Variants in WARS1 observed in about 807,000 individuals in gnomAD.
WARS1 encodes tryptophan--tRNA ligase, cytoplasmic.
Under a neutral mutation model 47.8 loss-of-function variants are expected in WARS1, and 17 were observed. That is an observed-to-expected ratio of 0.36 (90% CI 0.24 to 0.53). The LOEUF (loss-of-function observed/expected upper bound fraction) is 0.53. Ranked by LOEUF, WARS1 falls within the 20% of genes least tolerant of loss-of-function variation. The pLI is 0.91. For missense variants in WARS1, 434 were observed against 608.0 expected (o/e 0.71, Z 3.01); for synonymous variants, 208 against 228.1 (o/e 0.91, Z 0.79).
In WARS1 at chr14:100,350,399, G is replaced by GAAAAAAAAAA. The variant is rs56393656; in HGVS notation, c.725+3278_725+3287dup. ...AGAGCAAGACTCCATCTCAAAAAAAGAAAAAAAAAAAAAAAAAGGAAGTTC... is the reference window on the plus strand; with the variant it reads ...AGAGCAAGACTCCATCTCAAAAAAAGAAAAAAAAAAAAAAAAAAAAAAAAAAAGGAAGTTC... On this transcript the variant is annotated intron_variant, in intron 6 of 10. Transcript: ENST00000392882. 5.4e-5 allele frequency among the ~76,000 whole-genome samples: 6 copies of GAAAAAAAAAA among 112,148 alleles called. 1 individual carries two copies. The highest frequency in any genetic ancestry group is 7.0e-5 in the African/African-American group (2 of 28,634). 73.6% of individuals were successfully genotyped at this position (112,148 alleles called of 152,430 possible). A position where few individuals can be genotyped will look rare whatever the true frequency, so the allele number is the denominator to read the frequency against.
chr14:100,355,438 G>T (rs1020817801), intron 4 of WARS1, among the ~76,000 whole-genome samples: 12 of 151,956 alleles, frequency 7.9e-5, no homozygotes, highest in Admixed American at 3.3e-4. Flanking sequence ...GGCCAGGCTG[G>T]TCTCAAACTC....
chr14:100,346,663 A>T, intron 7 of WARS1, 83 bp downstream of exon 7: 1 of 1,149,360 alleles, frequency 8.7e-7, no homozygotes, highest in Non-Finnish European at 1.3e-6. Context: ...AGAGATATTT[A>T]AACCAGGCAT....
At position 100,334,948 on chromosome 14, in the gene WARS1, C is replaced by A; in HGVS notation, c.1343G>T (p.Arg448Leu). The change falls in exon 11 of 11, where the codon CGG becomes CTG. Residue 448 changes from arginine to leucine, a missense_variant. Arg to Leu is a moderately radical substitution (Grantham distance 102). Coordinates refer to ENST00000392882, the MANE Select transcript of WARS1 (RefSeq NM_004184.4). ...LQPLIAEHQA[R>L]RKEVTDEIVK... Reference sequence around the variant, plus strand: ...TATCTCATCCGTGACCTCCTTGCGCCGGGCCTGGTGCTCTGCGATCAAGGG... The same window carrying A: ...TATCTCATCCGTGACCTCCTTGCGCAGGGCCTGGTGCTCTGCGATCAAGGG... The A allele has an allele frequency of 6.2e-7, 1 of 1,614,202 alleles. No homozygotes were observed. Among genetic ancestry groups the A allele is most frequent in the Non-Finnish European group, 8.5e-7 (1 of 1,180,042 alleles).
chr14:100,341,221 C>T (rs988536329), intron 9 of WARS1, among the ~76,000 whole-genome samples: 1 of 152,108 alleles, frequency 6.6e-6, no homozygotes, highest in African/African-American at 2.4e-5. Flanking sequence ...TGGCCATAAA[C>T]AACTTTTTCC....
intron 6 of WARS1, among the ~76,000 whole-genome samples, chr14:100,352,140 C>CTCACTCTGT (rs1895034233): frequency 9.8e-6 from 1 of 102,348 alleles, no homozygotes; most frequent in Non-Finnish European, 1.8e-5. Context: ...GAGACAGAGT[C>CTCACTCTGT]TCACTCTGTT....
chr14:100,370,740 C>T (rs1041705210), intron 1 of WARS1, among the ~76,000 whole-genome samples: 3 of 151,276 alleles, frequency 2.0e-5, no homozygotes, highest in Non-Finnish European at 4.4e-5. Flanking sequence ...ATACCTGCAA[C>T]CCTGGCACTT....
In WARS1 at chr14:100,334,146, G is replaced by A. The variant is rs1893550668; in HGVS notation, c.*729C>T. 6.5e-6 allele frequency: 1 copy of A among 152,688 alleles called. No individual in the cohort carries two copies. Among genetic ancestry groups the A allele is most frequent in the African/African-American group, 2.4e-5 (1 of 41,448 alleles). The allele number at this position is 152,688 out of a possible 1,614,324, so 9.5% of individuals were successfully genotyped here. ...CTGACTCTGCAGGACAGAGGGTCTA[G>A]GGTCATTTGGCAGGAGAACACTGGT... On this transcript the variant is annotated 3_prime_UTR_variant, in exon 11 of 11. Transcript: ENST00000392882.
At chr14:100,335,061 G>A (rs1209826698) in intron 10 of WARS1, 25 bp from the exon 11 acceptor site, 1 of 1,608,884 alleles carries the variant, frequency 6.2e-7, no homozygotes, top group South Asian at 1.1e-5. Context: ...ACAGCCACGT[G>A]AGAGATGGCT....
At chr14:100,352,968 C>T (rs1895087872) in intron 6 of WARS1, 1 of 152,180 alleles carries the variant, frequency 6.6e-6, no homozygotes, top group Non-Finnish European at 1.5e-5. Context: ...AGTCTTTTCT[C>T]TGTGAGGAAA....
intron 2 of WARS1, among the ~76,000 whole-genome samples, chr14:100,363,834 C>G (rs951551634): frequency 1.3e-5 from 2 of 152,102 alleles, no homozygotes; most frequent in Admixed American, 6.5e-5. Flanking sequence ...ACTATATTAT[C>G]CAGGCTGGTC....
chr14:100,354,030 A>G (rs953679775), intron 5 of WARS1, 161 bp from the exon 6 acceptor site: 9 of 659,760 alleles, frequency 1.4e-5, no homozygotes, highest in African/African-American at 1.8e-5. Context: ...ATGGATAATG[A>G]TAAGGTCTAC....
intron 1 of WARS1, chr14:100,374,841 C>T (rs1035812047): frequency 6.6e-6 from 1 of 152,036 alleles, no homozygotes; most frequent in African/African-American, 2.4e-5. Context: ...TTCTTGACAC[C>T]TTTTGGGACC....
chr14:100,343,976 A>C (rs1261502131), intron 7 of WARS1, among the ~76,000 whole-genome samples: 1 of 152,196 alleles, frequency 6.6e-6, no homozygotes, highest in Non-Finnish European at 1.5e-5. Context: ...GTTGTTACTA[A>C]GTATATTCTA....
At position 100,373,777 on chromosome 14, in the gene WARS1, T is replaced by A. The variant is rs1164334743; in HGVS notation, c.-74+1506A>T. Among the ~76,000 whole-genome samples, 4 of 152,006 alleles carry A rather than the reference T, an allele frequency of 2.6e-5. No individual in the cohort carries two copies. In the East Asian group the frequency reaches 7.7e-4, roughly 29 times the overall value. On this transcript the variant is annotated intron_variant, in intron 1 of 10. Transcript: ENST00000392882. This position sits in a 1 kb window ranked among gnomAD's most constrained non-coding sequence, Gnocchi z 4.4. ...CTGAGGAAATAGCAGATGATCATGA[T>A]CACAAGGCATATACTTTGCGTGGGA...
Position 100,346,755 on chromosome 14 carries a change from C to A in WARS1, c.817G>T (p.Asp273Tyr). Residue 273 changes from aspartate (D) to tyrosine (Y), a missense_variant, in exon 7 of 11, where the codon GAC (aspartate) becomes TAC (tyrosine). By Grantham distance (160) the Asp-to-Tyr change is radical. Transcript: ENST00000392882. ...GCAGTGGGCCTCTTACCAATGCAGT[C>A]GCTGTCAGTGAAGCCGAAAATGCCT... ...VKGIFGFTDS[D>Y]CIGKISFPAI... 6.2e-7 allele frequency: 1 copy of A among 1,613,848 alleles called. No homozygotes were observed. The highest frequency in any genetic ancestry group is 1.1e-5 in the South Asian group (1 of 91,018).
Position 100,369,270 on chromosome 14 carries a change from G to A in WARS1, c.-73-12C>T, listed in dbSNP as rs1264337977. ...CAGACGAGTCAAGACTGGGGTGGGG[G>A]CGGGGAAGGAGAGAGAGGAAAAACC... On this transcript the variant is annotated splice_polypyrimidine_tract_variant and intron_variant, in intron 1 of 10. Coordinates refer to ENST00000392882, the MANE Select transcript of WARS1 (RefSeq NM_004184.4). 4.1e-6 allele frequency: 3 copies of A among 738,160 alleles called. No homozygotes were observed. The African/African-American group carries it at 5.6e-5, about 14-fold the overall frequency. 45.7% of individuals were successfully genotyped at this position (738,160 alleles called of 1,614,324 possible).
In WARS1 at chr14:100,337,136, A is replaced by T; in HGVS notation, c.1180T>A (p.Cys394Ser). Reference protein sequence around the residue: ...IEEHRQFGGNCDVDVSFMYLT... With the variant: ...IEEHRQFGGNSDVDVSFMYLT... The stretch of plus-strand genomic sequence containing the variant: ...TACATGAAAGACACGTCCACATCAC[A>T]GTTGCCCCCAAACTGCCTGTGCTCC... The change falls in exon 10 of 11, where the codon TGT (cysteine) becomes AGT (serine). Residue 394 changes from cysteine to serine, a missense_variant. This residue lies in a region of WARS1 where 347 missense variants were observed against 523.8 expected (regional missense o/e 0.66). Transcript: ENST00000392882. The T allele has an allele frequency of 6.2e-7, 1 of 1,614,220 alleles. No homozygotes were observed. The highest frequency in any genetic ancestry group is 2.2e-5 in the East Asian group (1 of 44,884).
In WARS1 at chr14:100,342,215, T is replaced by A. The variant is rs970356340; in HGVS notation, c.1113+183A>T. 4.0e-6 allele frequency: 3 copies of A among 744,496 alleles called. No individual in the cohort carries two copies. In the African/African-American group the frequency reaches 5.2e-5, roughly 13 times the overall value. The allele number at this position is 744,496 out of a possible 1,614,324, so 46.1% of individuals were successfully genotyped here. A position where few individuals can be genotyped will look rare whatever the true frequency, so the allele number is the denominator to read the frequency against. ...ACACAAAACAAATTCACCTGATTCA[T>A]GTGGGAAGGACAGGCTGCCTTGAGT... On this transcript the variant is annotated intron_variant, in intron 9 of 10. Transcript: ENST00000392882.
At chr14:100,368,164 A>G (rs1264891061) in intron 2 of WARS1, among the ~76,000 whole-genome samples, 2 of 152,218 alleles carry the variant, frequency 1.3e-5, no homozygotes. Context: ...TGTTGAAAGG[A>G]GATTCACTGG....
Sources: gnomAD v4.1 joint callset for allele counts (sites outside exome capture counted in the v4.1 genomes callset) on GRCh38, gnomAD v4.1.1 for gene constraint, gnomAD v4.1.1 regional missense constraint, Gnocchi (gnomAD v3.1) non-coding constraint, MANE v1.5 for transcripts, NCBI Gene and HGNC (gene_info 2026-07-23, HGNC 2026-07-21) for gene names.